Variants in TPD52 observed in about 807,000 individuals in gnomAD.
TPD52 encodes prostate and colon associated protein.
Under a neutral mutation model 31.3 loss-of-function variants are expected in TPD52, and 17 were observed. The observed-to-expected ratio is 0.54, with a 90% CI of 0.37 to 0.82. TPD52 has a LOEUF of 0.82. Ranked by LOEUF, TPD52 falls within the 40% of genes least tolerant of loss-of-function variation. TPD52 has a pLI of 0.00. For missense variants in TPD52, 212 were observed against 240.1 expected (o/e 0.88, Z 0.77); for synonymous variants, 83 against 89.6 (o/e 0.93, Z 0.42).
intron 1 of TPD52, among the ~76,000 whole-genome samples, chr8:80,164,078 G>C (rs576178868): frequency 2.6e-5 from 4 of 151,218 alleles, no homozygotes; most frequent in South Asian, 4.2e-4. Context: ...AAGGGGAAAG[G>C]GGGGAGGAGA....
At chr8:80,163,808 G>C (rs1351894798) in intron 1 of TPD52, among the ~76,000 whole-genome samples, 2 of 151,952 alleles carry the variant, frequency 1.3e-5, no homozygotes, top group East Asian at 3.8e-4. Flanking sequence ...AGGAGAGAAA[G>C]AGTTAAATAA....
intron 1 of TPD52, among the ~76,000 whole-genome samples, chr8:80,075,816 G>A (rs1814468868): frequency 6.6e-6 from 1 of 152,078 alleles, no homozygotes; most frequent in Non-Finnish European, 1.5e-5. Flanking sequence ...TTTGACTCCA[G>A]TTTTTATTTT....
chr8:80,096,829 T>A (rs1230651095), intron 1 of TPD52, among the ~76,000 whole-genome samples: 1 of 152,108 alleles, frequency 6.6e-6, no homozygotes, highest in Non-Finnish European at 1.5e-5. Flanking sequence ...CACAACAATA[T>A]GGAAATTAGG....
intron 6 of TPD52, among the ~76,000 whole-genome samples, chr8:80,043,594 T>C (rs1434619845): frequency 1.3e-5 from 2 of 152,086 alleles, no homozygotes; most frequent in South Asian, 2.1e-4. Flanking sequence ...GATCAGAGGC[T>C]CTAGAGGTGG....
chr8:80,052,350 C>T (rs971496405), intron 3 of TPD52, among the ~76,000 whole-genome samples: 7 of 152,256 alleles, frequency 4.6e-5, no homozygotes, highest in East Asian at 3.9e-4. Context: ...AAAATAATAT[C>T]GTACCTACCA....
chr8:80,072,744 CACAT>C (rs1814042047), intron 1 of TPD52, among the ~76,000 whole-genome samples: 1 of 150,650 alleles, frequency 6.6e-6, no homozygotes, highest in Non-Finnish European at 1.5e-5. Flanking sequence ...TATATACACA[CACAT>C]ATATACATAT....
At chr8:80,153,911 C>G (rs1586407012) in intron 1 of TPD52, among the ~76,000 whole-genome samples, 1 of 152,368 alleles carries the variant, frequency 6.6e-6, no homozygotes, top group South Asian at 2.1e-4. Context: ...AATAAAATAC[C>G]TTTCTTTCCA....
chr8:80,073,652 T>C (rs1814186948), intron 1 of TPD52, among the ~76,000 whole-genome samples: 1 of 152,226 alleles, frequency 6.6e-6, no homozygotes, highest in African/African-American at 2.4e-5. Flanking sequence ...TTATAGGAAG[T>C]TATACAGTCA....
chr8:80,142,758 C>T (rs1809923822), intron 1 of TPD52, among the ~76,000 whole-genome samples: 1 of 152,116 alleles, frequency 6.6e-6, no homozygotes, highest in Admixed American at 6.5e-5. Flanking sequence ...CCTTCCTTAC[C>T]CCTACACTCT....
intron 1 of TPD52, among the ~76,000 whole-genome samples, chr8:80,142,733 C>A (rs1399240627): frequency 6.6e-6 from 1 of 152,082 alleles, no homozygotes; most frequent in Non-Finnish European, 1.5e-5. Context: ...TGGTCCTGGG[C>A]AGAACTCAAC....
chr8:80,080,314 C>T (rs1815111215), intron 1 of TPD52: 3 of 1,613,836 alleles, frequency 1.9e-6, no homozygotes, highest in East Asian at 4.5e-5. Flanking sequence ...TTAGTAGTTA[C>T]CAAATTTCTG....
chr8:80,134,874 A>G (rs1809282198), intron 1 of TPD52, among the ~76,000 whole-genome samples: 1 of 152,204 alleles, frequency 6.6e-6, no homozygotes, highest in Non-Finnish European at 1.5e-5. Flanking sequence ...GACATAATAA[A>G]TATTTGTTGC....
At chr8:80,113,413 C>A (rs1278666773) in intron 1 of TPD52, among the ~76,000 whole-genome samples, 3 of 152,140 alleles carry the variant, frequency 2.0e-5, no homozygotes, top group Admixed American at 2.0e-4. Flanking sequence ...ACCATATGAT[C>A]TACCAACCCT....
At chr8:80,115,063 G>A (rs1807770011) in intron 1 of TPD52, among the ~76,000 whole-genome samples, 1 of 152,168 alleles carries the variant, frequency 6.6e-6, no homozygotes, top group Non-Finnish European at 1.5e-5. Flanking sequence ...CAATGGAAGG[G>A]GCCTGTTGCT....
At chr8:80,098,967 C>T (rs1806528308) in intron 1 of TPD52, among the ~76,000 whole-genome samples, 1 of 152,206 alleles carries the variant, frequency 6.6e-6, no homozygotes, top group South Asian at 2.1e-4. Context: ...GACTCACTGA[C>T]CGTTAGCATT....
chr8:80,098,177 T>C (rs144644585), intron 1 of TPD52, among the ~76,000 whole-genome samples: 2 of 152,216 alleles, frequency 1.3e-5, no homozygotes, highest in African/African-American at 2.4e-5. Context: ...CCGATGGAGA[T>C]GTACAAGGAG....
At chr8:80,060,754 A>C (rs138871035) in intron 2 of TPD52, among the ~76,000 whole-genome samples, 1 of 152,284 alleles carries the variant, frequency 6.6e-6, no homozygotes, top group African/African-American at 2.4e-5. Flanking sequence ...GCATTTCATA[A>C]AAATCCAATA....
At chr8:80,050,843 T>A (rs551416098) in intron 4 of TPD52, among the ~76,000 whole-genome samples, 3 of 152,202 alleles carry the variant, frequency 2.0e-5, no homozygotes, top group African/African-American at 7.2e-5. Context: ...CATTTTTTTT[T>A]AAACACAAAT....
chr8:80,051,161 G>T, intron 4 of TPD52: 1 of 243,590 alleles, frequency 4.1e-6, no homozygotes, highest in Non-Finnish European at 7.9e-6. Context: ...AATCTGAATC[G>T]AAGCGTGCAC....
Sources: gnomAD v4.1 joint callset for allele counts (sites outside exome capture counted in the v4.1 genomes callset) on GRCh38, gnomAD v4.1.1 for gene constraint, MANE v1.5 for transcripts, NCBI Gene and HGNC (gene_info 2026-07-23, HGNC 2026-07-21) for gene names.